Variants in CCDC6 observed in about 807,000 individuals in gnomAD.
CCDC6 encodes the protein coiled-coil domain-containing protein 6.
Under a neutral mutation model 56.6 loss-of-function variants are expected in CCDC6, and 20 were observed. That is an observed-to-expected ratio of 0.35 (90% CI 0.25 to 0.51). The LOEUF is 0.51. Among genes scored for constraint, CCDC6 ranks in the 20% least tolerant of loss-of-function variants. The probability of loss-of-function intolerance (pLI) is 0.95; values close to 1 mark genes in which losing one functional copy is unlikely to be tolerated. For synonymous variants in CCDC6, 241 were observed against 234.4 expected (o/e 1.03, Z -0.26); for missense variants, 367 against 601.1 (o/e 0.61, Z 4.07).
intron 1 of CCDC6, among the ~76,000 whole-genome samples, chr10:59,878,187 A>C (rs2071301067): frequency 6.6e-6 from 1 of 152,220 alleles, no homozygotes; most frequent in African/African-American, 2.4e-5. Flanking sequence ...AGATTTATGA[A>C]AAACAAGAGT....
Position 59,807,010 on chromosome 10 carries a change from T to A in CCDC6, c.916A>T (p.Arg306Trp). 1 of 1,614,026 alleles carries A rather than the reference T, an allele frequency of 6.2e-7. No homozygotes were observed. The highest frequency in any genetic ancestry group is 8.5e-7 in the Non-Finnish European group (1 of 1,179,886). Residue 306 changes from arginine to tryptophan, a missense_variant, in exon 6 of 9, where the codon AGG (arginine) becomes TGG (tryptophan). By Grantham distance (101) the Arg-to-Trp change is moderately radical. This residue lies in a region of CCDC6 where 81 missense variants were observed against 150.8 expected (regional missense o/e 0.54). Transcript: ENST00000263102. Reference protein sequence around the residue: ...HMREENLRLQRKLQREMERRE... With the variant: ...HMREENLRLQWKLQREMERRE... ...CTCTCCATCTCCCTCTGCAGCTTCC[T>A]CTGGAGCCTCAAGTTCTCTTCTCTC...
At chr10:59,811,273 A>G (rs769446582) in intron 5 of CCDC6, among the ~76,000 whole-genome samples, 25 of 152,234 alleles carry the variant, frequency 1.6e-4, no homozygotes, top group Non-Finnish European at 2.6e-4. Context: ...GCTCCACGGC[A>G]CAAGAATTTG....
rs777021321 is a variant in CCDC6, at chr10:59,865,852, C to CAAA, written c.304-13153_304-13151dup. Among the ~76,000 whole-genome samples the CAAA allele has an allele frequency of 8.8e-3, 485 of 55,416 alleles. 1 individual carries two copies. The highest frequency in any genetic ancestry group is 0.015 in the East Asian group (23 of 1,578). The allele number at this position is 55,416 out of a possible 152,430, so 36.4% of individuals were successfully genotyped here. ...GTGACAGAGAGAGACTCCATCTCCA[C>CAAA]AAAAAAAAAAAAAAAAAAAAAAGAA... On this transcript the variant is annotated intron_variant, in intron 1 of 8. Transcript: ENST00000263102.
chr10:59,886,643 C>T (rs1451327849), intron 1 of CCDC6, among the ~76,000 whole-genome samples: 3 of 151,962 alleles, frequency 2.0e-5, no homozygotes, highest in Non-Finnish European at 2.9e-5. Context: ...ATCAAGAAAC[C>T]ATAAAAATAA....
intron 1 of CCDC6, among the ~76,000 whole-genome samples, chr10:59,888,812 CTACTT>C (rs2071401317): frequency 6.6e-6 from 1 of 152,132 alleles, no homozygotes; most frequent in Non-Finnish European, 1.5e-5. Flanking sequence ...TGGATTCACT[CTACTT>C]TAGTATATGC....
At position 59,861,198 on chromosome 10, in the gene CCDC6, TA is replaced by T. The variant is rs1021307801; in HGVS notation, c.304-8497del. 6.6e-5 allele frequency among the ~76,000 whole-genome samples: 10 copies of T among 151,418 alleles called. No homozygotes were observed. The East Asian group carries it at 1.2e-3, about 18-fold the overall frequency. On this transcript the variant is annotated intron_variant, in intron 1 of 8. Coordinates refer to ENST00000263102, the MANE Select transcript of CCDC6 (RefSeq NM_005436.5). ...TCTCAAAAAATAATAAAAATAAATT[TA>T]AAAAAAATAATAATCCGGGTGCGGT...
rs138304011 is a variant in CCDC6, at chr10:59,866,707, G to C, written c.304-14005C>G. ...CAAAGTTATGAGGGCTATGATTCAA[G>C]CAAACCCTGGAATGGCTCCAAGGCT... is the stretch of plus-strand genomic sequence containing the variant. On this transcript the variant is annotated intron_variant, in intron 1 of 8. Transcript: ENST00000263102. 2.0e-5 allele frequency among the ~76,000 whole-genome samples: 3 copies of C among 152,268 alleles called. No individual in the cohort carries two copies. The East Asian group carries it at 5.8e-4, about 29-fold the overall frequency.
intron 3 of CCDC6, among the ~76,000 whole-genome samples, chr10:59,823,931 C>T (rs574329760): frequency 1.3e-5 from 2 of 152,334 alleles, no homozygotes; most frequent in Non-Finnish European, 2.9e-5. Context: ...AACCACTGCC[C>T]TTCAATTTAA....
In CCDC6 at chr10:59,867,511, C is replaced by T. The variant is rs149306927; in HGVS notation, c.304-14809G>A. ...CAGTCTCCACAACTCCTTAACATAACGCAGACATTCCTTTCTATTGATAAC... is the reference window on the plus strand; with the variant it reads ...CAGTCTCCACAACTCCTTAACATAATGCAGACATTCCTTTCTATTGATAAC... On this transcript the variant is annotated intron_variant, in intron 1 of 8. Transcript: ENST00000263102. Among the ~76,000 whole-genome samples, 46 of 152,312 alleles carry T rather than the reference C, an allele frequency of 3.0e-4. 1 individual carries two copies. The highest frequency in any genetic ancestry group is 9.9e-4 in the African/African-American group (41 of 41,566).
At chr10:59,853,297 C>T (rs1265078271) in intron 1 of CCDC6, among the ~76,000 whole-genome samples, 2 of 152,122 alleles carry the variant, frequency 1.3e-5, no homozygotes, top group East Asian at 3.9e-4. Flanking sequence ...CTCTGGGAGG[C>T]AGAGGTGGGT....
intron 6 of CCDC6, chr10:59,805,627 T>C (rs1172851109): frequency 6.6e-6 from 1 of 152,198 alleles, no homozygotes; most frequent in Non-Finnish European, 1.5e-5. Flanking sequence ...TAGCTGGCAG[T>C]TTTAGTCAAA....
At chr10:59,846,673 T>C (rs2070995124) in intron 2 of CCDC6, among the ~76,000 whole-genome samples, 1 of 152,236 alleles carries the variant, frequency 6.6e-6, no homozygotes, top group African/African-American at 2.4e-5. Flanking sequence ...TCAGATCCTA[T>C]TTCAAATGTG....
chr10:59,888,009 G>T (rs907507851), intron 1 of CCDC6, among the ~76,000 whole-genome samples: 2 of 152,134 alleles, frequency 1.3e-5, no homozygotes, highest in Non-Finnish European at 2.9e-5. Flanking sequence ...CCACAGACTT[G>T]CCGTGAGACT....
intron 3 of CCDC6, among the ~76,000 whole-genome samples, chr10:59,817,534 C>T (rs1276251078): frequency 2.0e-5 from 3 of 151,978 alleles, no homozygotes; most frequent in African/African-American, 7.3e-5. Flanking sequence ...TTAAGGATCC[C>T]AATTCCAGTG....
rs56232975 is a variant in CCDC6, at chr10:59,844,746, C to CA, written c.453+7806dup. Among the ~76,000 whole-genome samples, 553 of 124,490 alleles carry CA rather than the reference C, an allele frequency of 4.4e-3. 6 individuals carry two copies. The highest frequency in any genetic ancestry group is 0.041 in the South Asian group (161 of 3,922). 81.7% of individuals were successfully genotyped at this position (124,490 alleles called of 152,430 possible). A position where few individuals can be genotyped will look rare whatever the true frequency, so the allele number is the denominator to read the frequency against. On this transcript the variant is annotated intron_variant, in intron 2 of 8. Coordinates refer to ENST00000263102, the MANE Select transcript of CCDC6 (RefSeq NM_005436.5). ...CAGCCTGGGCAACAGAGACTATCTC[C>CA]AAAAAAAAAAAAAAAAAGAGAGAGA...
intron 1 of CCDC6, among the ~76,000 whole-genome samples, chr10:59,900,122 T>C (rs1459629820): frequency 6.6e-6 from 1 of 151,984 alleles, no homozygotes; most frequent in East Asian, 1.9e-4. Flanking sequence ...AGGAATGTGA[T>C]GAACAAGGCA....
At chr10:59,828,051 G>A (rs559394016) in intron 3 of CCDC6, among the ~76,000 whole-genome samples, 1 of 152,296 alleles carries the variant, frequency 6.6e-6, no homozygotes, top group Admixed American at 6.5e-5. Flanking sequence ...AAACTAATGT[G>A]TGCCTTTTAA....
chr10:59,885,994 A>G (rs1160255105), intron 1 of CCDC6, among the ~76,000 whole-genome samples: 2 of 146,020 alleles, frequency 1.4e-5, no homozygotes, highest in Admixed American at 1.4e-4. Context: ...TGCATAGAAC[A>G]GCCTTATATA....
rs1277290890 is a variant in CCDC6, at chr10:59,791,973, TA to T, written c.*943del. ...ATAATGCGATAATGTCCATTTCAAA[TA>T]GTATTTTCTAATGGTATTTTGCACC... On this transcript the variant is annotated 3_prime_UTR_variant, in exon 9 of 9. Transcript: ENST00000263102. 2 of 220,866 alleles carry T rather than the reference TA, an allele frequency of 9.1e-6. No homozygotes were observed. The highest frequency in any genetic ancestry group is 4.5e-5 in the African/African-American group (2 of 44,664). 13.7% of individuals were successfully genotyped at this position (220,866 alleles called of 1,614,324 possible). A position where few individuals can be genotyped will look rare whatever the true frequency, so the allele number is the denominator to read the frequency against.
Sources: gnomAD v4.1 joint callset for allele counts (sites outside exome capture counted in the v4.1 genomes callset) on GRCh38, gnomAD v4.1.1 for gene constraint, gnomAD v4.1.1 regional missense constraint, MANE v1.5 for transcripts, NCBI Gene and HGNC (gene_info 2026-07-23, HGNC 2026-07-21) for gene names.